COL22A1: variants seen among roughly 807,000 people sequenced by gnomAD.
COL22A1 encodes the protein collagen type XXII alpha 1 chain.
In COL22A1, 221 loss-of-function variants were observed where a neutral mutation model predicts 248.9. That is an observed-to-expected ratio of 0.89 (90% CI 0.80 to 0.99). The LOEUF is 0.99. COL22A1 is among the 50% of genes least tolerant of loss of function. COL22A1 has a pLI of 0.00. For synonymous variants in COL22A1, 891 were observed against 793.4 expected (o/e 1.12, Z -2.07); for missense variants, 2,240 against 2,179.0 (o/e 1.03, Z -0.56).
chr8:138,613,246 T>TA (rs1819038544), intron 56 of COL22A1, among the ~76,000 whole-genome samples: 1 of 83,768 alleles, frequency 1.2e-5, no homozygotes. Context: ...AGACTCCGTT[T>TA]CAAAAAAAAA....
At chr8:138,804,292 G>T (rs894774745) in intron 10 of COL22A1, among the ~76,000 whole-genome samples, 1 of 152,162 alleles carries the variant, frequency 6.6e-6, no homozygotes, top group Non-Finnish European at 1.5e-5. Context: ...TTGGGACAAT[G>T]TGACGGATGA....
intron 3 of COL22A1, among the ~76,000 whole-genome samples, chr8:138,854,095 T>A (rs1821835203): frequency 6.6e-6 from 1 of 152,146 alleles, no homozygotes; most frequent in South Asian, 2.1e-4. Context: ...GGGACAGGGA[T>A]GATGGTGCAA....
In COL22A1 at chr8:138,876,239, C is replaced by T. The variant is rs115187916; in HGVS notation, c.658+1511G>A. Among the ~76,000 whole-genome samples the T allele has an allele frequency of 5.1e-3, 774 of 152,290 alleles. 7 individuals are homozygous for T. Among genetic ancestry groups the T allele is most frequent in the African/African-American group, 0.018 (742 of 41,560 alleles). On this transcript the variant is annotated intron_variant, in intron 3 of 64. Transcript: ENST00000303045. ...GGCATCCTTTAATCCCACTCCATCG[C>T]ATCCTTCTCAATCCCATGCAGTTCA...
At chr8:138,729,818 C>A (rs1830576159) in intron 23 of COL22A1, among the ~76,000 whole-genome samples, 1 of 152,120 alleles carries the variant, frequency 6.6e-6, no homozygotes, top group African/African-American at 2.4e-5. Flanking sequence ...GGCAGAAACT[C>A]TAAATAGAGC....
intron 3 of COL22A1, among the ~76,000 whole-genome samples, chr8:138,854,874 C>T (rs1477469214): frequency 6.6e-6 from 1 of 150,786 alleles, no homozygotes; most frequent in East Asian, 1.9e-4. Context: ...GTGCTGATGG[C>T]GACAGTGGTA....
chr8:138,711,715 T>C (rs1042864831), intron 30 of COL22A1, among the ~76,000 whole-genome samples: 5 of 152,096 alleles, frequency 3.3e-5, no homozygotes, highest in South Asian at 2.1e-4. Flanking sequence ...AGAAAGCACC[T>C]GCGCAGAAAA....
chr8:138,619,979 G>A (rs1819643735), intron 52 of COL22A1: 1 of 173,576 alleles, frequency 5.8e-6, no homozygotes, highest in Non-Finnish European at 1.3e-5. Flanking sequence ...CACCTAAGCG[G>A]ATGCTCTTTC....
intron 16 of COL22A1, among the ~76,000 whole-genome samples, chr8:138,774,319 T>C (rs1199341803): frequency 6.6e-6 from 1 of 151,984 alleles, no homozygotes. Flanking sequence ...CTTTGACCAG[T>C]AATTTCACTT....
chr8:138,612,766 A>C (rs1326720159), intron 56 of COL22A1, among the ~76,000 whole-genome samples: 5 of 151,690 alleles, frequency 3.3e-5, no homozygotes, highest in African/African-American at 1.2e-4. Flanking sequence ...ATCTCTACTA[A>C]AAATAAAAAA....
chr8:138,755,242 A>C, intron 20 of COL22A1, 32 bp from the exon 21 acceptor site: 1 of 1,609,730 alleles, frequency 6.2e-7, no homozygotes, highest in Non-Finnish European at 8.5e-7. Context: ...ATGTTTAGTC[A>C]TGACTTTTCC....
intron 44 of COL22A1, among the ~76,000 whole-genome samples, chr8:138,658,501 G>A (rs372715993): frequency 6.6e-5 from 10 of 152,162 alleles, no homozygotes; most frequent in African/African-American, 1.9e-4. Flanking sequence ...CCAAGGTTCC[G>A]GTGAGCTTCC....
At chr8:138,776,140 C>A (rs978815017) in intron 15 of COL22A1, 130 bp from the exon 16 acceptor site, 52 of 827,620 alleles carry the variant, frequency 6.3e-5, no homozygotes, top group Admixed American at 1.6e-4. Flanking sequence ...ATAGTGAGGA[C>A]CCTGTCTCCC....
At chr8:138,715,113 T>G (rs1354796249) in intron 30 of COL22A1, among the ~76,000 whole-genome samples, 1 of 152,176 alleles carries the variant, frequency 6.6e-6, no homozygotes, top group East Asian at 1.9e-4. Context: ...GACGGATGGA[T>G]AGTGAGATGA....
chr8:138,619,730 A>T (rs1267303516), intron 52 of COL22A1, among the ~76,000 whole-genome samples: 1 of 152,110 alleles, frequency 6.6e-6, no homozygotes, highest in Non-Finnish European at 1.5e-5. Flanking sequence ...CTGGTTACAC[A>T]GGTTGCATCT....
chr8:138,738,248 A>C (rs183064946), intron 22 of COL22A1, among the ~76,000 whole-genome samples: 23 of 152,286 alleles, frequency 1.5e-4, no homozygotes, highest in African/African-American at 5.5e-4. Context: ...TCCACGCTTC[A>C]GTGCATACAT....
Position 138,720,774 on chromosome 8 carries a change from C to G in COL22A1, c.2320G>C (p.Gly774Arg). The G allele has an allele frequency of 6.2e-7, 1 of 1,613,986 alleles. No individual in the cohort carries two copies. Among genetic ancestry groups the G allele is most frequent in the Non-Finnish European group, 8.5e-7 (1 of 1,179,824 alleles). Residue 774 changes from glycine (G) to arginine (R), a missense_variant, in exon 27 of 65, where the codon GGG becomes CGG. By Grantham distance (125) the Gly-to-Arg change is moderately radical. Transcript: ENST00000303045. ...PGTKGEPGERGEDGLPGKPGL... is the reference protein window; with the variant it reads ...PGTKGEPGERREDGLPGKPGL... Reference sequence around the variant, plus strand: ...GGTTTTCCAGGCAGACCATCTTCCCCTCTTTCTCCTGGTTCTCCCTGGAAG... The same window carrying G: ...GGTTTTCCAGGCAGACCATCTTCCCGTCTTTCTCCTGGTTCTCCCTGGAAG...
chr8:138,783,989 G>A (rs549835040), intron 12 of COL22A1, among the ~76,000 whole-genome samples: 1 of 152,298 alleles, frequency 6.6e-6, no homozygotes, highest in African/African-American at 2.4e-5. Context: ...GCTTCTCAGA[G>A]CCTCATCTAG....
chr8:138,741,546 T>C (rs1831558022), intron 22 of COL22A1, among the ~76,000 whole-genome samples: 1 of 152,226 alleles, frequency 6.6e-6, no homozygotes, highest in South Asian at 2.1e-4. Flanking sequence ...GATTTAATAT[T>C]TGAGGAAGTT....
chr8:138,762,610 A>G, intron 16 of COL22A1, 144 bp from the exon 17 acceptor site: 1 of 558,036 alleles, frequency 1.8e-6, no homozygotes, highest in East Asian at 3.2e-5. Context: ...ACACACACAC[A>G]ACAGCCCTAG....
Sources: gnomAD v4.1 joint callset for allele counts (sites outside exome capture counted in the v4.1 genomes callset) on GRCh38, gnomAD v4.1.1 for gene constraint, MANE v1.5 for transcripts, NCBI Gene and HGNC (gene_info 2026-07-23, HGNC 2026-07-21) for gene names.